Variants in LYSET observed in about 807,000 individuals in gnomAD.
The protein encoded by LYSET is lysosomal enzyme trafficking factor.
the LYSET span, chr14:93,186,804 G>A: frequency 7.4e-6 from 7 of 951,708 alleles, no homozygotes; most frequent in Admixed American, 5.4e-5. Flanking sequence ...CATGTGATTA[G>A]GGAGCTATCT....
chr14:93,185,287 T>A, the LYSET span: 1 of 960,716 alleles, frequency 1.0e-6, no homozygotes, highest in Non-Finnish European at 1.5e-6. Context: ...GGGCCGCGCG[T>A]GACCCGCCGC....
At chr14:93,187,304 G>T in the LYSET span, among the ~76,000 whole-genome samples, 34,845 of 151,590 alleles carry the variant, frequency 0.23, 4,163 homozygotes, top group East Asian at 0.28. Context: ...TTTCTTTTTT[G>T]TGGAGAATGG....
chr14:93,185,524 G>A, the LYSET span: 1 of 1,543,742 alleles, frequency 6.5e-7, no homozygotes. Flanking sequence ...TTGGGGGCTT[G>A]ACTTGTAGCA....
At chr14:93,187,891 A>T in the LYSET span, among the ~76,000 whole-genome samples, 1 of 151,536 alleles carries the variant, frequency 6.6e-6, no homozygotes, top group South Asian at 2.1e-4. Context: ...TAACTAAGGT[A>T]ATCCACTTGC....
At chr14:93,188,179 G>A in the LYSET span, among the ~76,000 whole-genome samples, 2 of 151,394 alleles carry the variant, frequency 1.3e-5, no homozygotes, top group African/African-American at 4.9e-5. Flanking sequence ...GGCTGGTCCC[G>A]AACTCCTGAC....
chr14:93,185,540 C>T, the LYSET span: 1 of 1,433,846 alleles, frequency 7.0e-7, no homozygotes, highest in African/African-American at 1.4e-5. Flanking sequence ...TAGCACCCCG[C>T]GTTCACGTCT....
the LYSET span, among the ~76,000 whole-genome samples, chr14:93,188,198 A>G: frequency 1.3e-5 from 2 of 152,076 alleles, no homozygotes; most frequent in Non-Finnish European, 2.9e-5. Context: ...ACCTCAAGTG[A>G]TACACCTCAG....
chr14:93,186,149 G>T, the LYSET span: 14 of 1,075,040 alleles, frequency 1.3e-5, no homozygotes, highest in African/African-American at 2.1e-4. Flanking sequence ...GATTACAGGC[G>T]CGAGCCACCG....
At chr14:93,185,617 T>C in the LYSET span, 2 of 724,146 alleles carry the variant, frequency 2.8e-6, no homozygotes, top group African/African-American at 3.5e-5. Flanking sequence ...AGAAACTAGT[T>C]TAATTCCAGT....
the LYSET span, chr14:93,187,064 C>G: frequency 5.4e-6 from 1 of 183,972 alleles, no homozygotes; most frequent in Admixed American, 6.3e-5. Flanking sequence ...CAGACATGAT[C>G]ATAAAATTTA....
chr14:93,185,894 A>C, the LYSET span, among the ~76,000 whole-genome samples: 1 of 146,382 alleles, frequency 6.8e-6, no homozygotes, highest in Non-Finnish European at 1.5e-5. Flanking sequence ...AATTAGACAG[A>C]GTCTCGCTCT....
the LYSET span, chr14:93,186,294 C>T: frequency 2.5e-6 from 4 of 1,613,564 alleles, no homozygotes; most frequent in Non-Finnish European, 3.4e-6. Flanking sequence ...CTTCCGTCAG[C>T]GGATGGGATG....
the LYSET span, among the ~76,000 whole-genome samples, chr14:93,187,418 C>T: frequency 6.6e-6 from 1 of 151,944 alleles, no homozygotes; most frequent in African/African-American, 2.4e-5. Flanking sequence ...GCTACCATGC[C>T]CAGCTATTTT....
the LYSET span, chr14:93,186,779 G>A: frequency 7.9e-7 from 1 of 1,258,584 alleles, no homozygotes; most frequent in Non-Finnish European, 1.1e-6. Flanking sequence ...TCGTGGGGCA[G>A]AGGCTTTTTA....
At chr14:93,188,051 C>G in the LYSET span, among the ~76,000 whole-genome samples, 1 of 151,798 alleles carries the variant, frequency 6.6e-6, no homozygotes, top group African/African-American at 2.4e-5. Flanking sequence ...CTCCACCTCC[C>G]AGGTTCATGC....
chr14:93,186,496 T>A, the LYSET span: 3 of 1,614,232 alleles, frequency 1.9e-6, no homozygotes, highest in Non-Finnish European at 2.5e-6. Flanking sequence ...TGGACAGTTA[T>A]TTTTCTGGTA....
At chr14:93,186,411 C>G in the LYSET span, 1 of 1,614,096 alleles carries the variant, frequency 6.2e-7, no homozygotes, top group Non-Finnish European at 8.5e-7. Context: ...TCAACAGCAC[C>G]CTGAGGAGCC....
chr14:93,185,584 C>A, the LYSET span: 1 of 1,008,632 alleles, frequency 9.9e-7, no homozygotes, highest in Non-Finnish European at 1.5e-6. Context: ...AGTGTTTCAC[C>A]TGTCAAAGTG....
the LYSET span, chr14:93,185,465 AG>A: frequency 1.9e-6 from 3 of 1,612,712 alleles, no homozygotes; most frequent in Non-Finnish European, 2.5e-6. Context: ...CCGTGGGAAC[AG>A]GAAGATTTTC....
Sources: gnomAD v4.1 joint callset for allele counts (sites outside exome capture counted in the v4.1 genomes callset) on GRCh38, gnomAD v4.1.1 for gene constraint, MANE v1.5 for transcripts, NCBI Gene and HGNC (gene_info 2026-07-23, HGNC 2026-07-21) for gene names.